Variants in LRRC49 observed in about 807,000 individuals in gnomAD.
LRRC49 encodes leucine-rich repeat-containing protein 49.
Under a neutral mutation model 83.3 loss-of-function variants are expected in LRRC49, and 50 were observed. That is an observed-to-expected ratio of 0.60 (90% CI 0.48 to 0.76). LRRC49 has a LOEUF of 0.76. LRRC49 is among the 30% of genes least tolerant of loss of function. LRRC49 has a pLI of 0.00. For synonymous variants in LRRC49, 286 were observed against 283.3 expected (o/e 1.01, Z -0.10); for missense variants, 704 against 809.1 (o/e 0.87, Z 1.58).
At chr15:70,990,070 C>CA (rs1191677679) in intron 11 of LRRC49, among the ~76,000 whole-genome samples, 1 of 152,136 alleles carries the variant, frequency 6.6e-6, no homozygotes, top group Non-Finnish European at 1.5e-5. Context: ...TTAGGCTGCT[C>CA]GGGGGTCAGG....
At chr15:70,874,335 C>A (rs1348136114) in intron 2 of LRRC49, among the ~76,000 whole-genome samples, 1 of 152,104 alleles carries the variant, frequency 6.6e-6, no homozygotes, top group Non-Finnish European at 1.5e-5. Context: ...GTACAAAGGG[C>A]AGGTGGGTGG....
intron 8 of LRRC49, among the ~76,000 whole-genome samples, chr15:70,953,036 T>C (rs1307866448): frequency 6.6e-6 from 1 of 152,206 alleles, no homozygotes; most frequent in Non-Finnish European, 1.5e-5. Flanking sequence ...ACTTGTGAGA[T>C]GTGTCTCTTG....
chr15:70,854,471 A>G (rs1456838698), intron 1 of LRRC49, among the ~76,000 whole-genome samples: 1 of 152,160 alleles, frequency 6.6e-6, no homozygotes, highest in Non-Finnish European at 1.5e-5. Context: ...ACGGCGCCGC[A>G]GGGATGGGCG....
chr15:70,972,749 G>A (rs1224335268), intron 9 of LRRC49, among the ~76,000 whole-genome samples: 2 of 151,852 alleles, frequency 1.3e-5, no homozygotes, highest in African/African-American at 4.8e-5. Flanking sequence ...TTCAGTCTCT[G>A]ATATCCTTTC....
intron 8 of LRRC49, among the ~76,000 whole-genome samples, chr15:70,941,944 ATAAATATAT>A (rs1301397258): frequency 2.0e-5 from 3 of 152,122 alleles, no homozygotes; most frequent in Non-Finnish European, 4.4e-5. Flanking sequence ...CAACCAACTT[ATAAATATAT>A]ATATGATTGC....
intron 11 of LRRC49, among the ~76,000 whole-genome samples, chr15:70,988,192 G>C (rs1391880196): frequency 6.6e-6 from 1 of 150,962 alleles, no homozygotes; most frequent in African/African-American, 2.4e-5. Context: ...GGGTATCCTT[G>C]TTAACTTTCT....
rs535874723 is a variant in LRRC49 at position 70,859,897 on chromosome 15, G to T, written c.-299+6428G>T. The T allele has an allele frequency of 1.3e-5, 10 of 768,686 alleles. 1 individual carries two copies. The highest frequency in any genetic ancestry group is 1.2e-4 in the South Asian group (9 of 74,518). The allele number at this position is 768,686 out of a possible 1,614,324, so 47.6% of individuals were successfully genotyped here. A position where few individuals can be genotyped will look rare whatever the true frequency, so the allele number is the denominator to read the frequency against. The stretch of plus-strand genomic sequence containing the variant: ...AAACTGCCACCTACAGGAAGCTGCT[G>T]GAGGGTGAGGAGAGCCGGCTGGAGT... On this transcript the variant is annotated intron_variant, in intron 1 of 16. Transcript: ENST00000544974.
chr15:70,939,452 T>G (rs1383903913), intron 8 of LRRC49, among the ~76,000 whole-genome samples: 1 of 152,180 alleles, frequency 6.6e-6, no homozygotes, highest in Non-Finnish European at 1.5e-5. Flanking sequence ...CCTGTGAGGT[T>G]TAAAGCCATA....
chr15:70,911,479 T>G, intron 5 of LRRC49, 53 bp from the exon 6 acceptor site: 3 of 1,004,212 alleles, frequency 3.0e-6, no homozygotes, highest in Non-Finnish European at 4.6e-6. Context: ...TACTTTGATT[T>G]ACAGATAGAT....
At chr15:71,013,331 A>G (rs149291818) in intron 14 of LRRC49, among the ~76,000 whole-genome samples, 1 of 152,316 alleles carries the variant, frequency 6.6e-6, no homozygotes, top group African/African-American at 2.4e-5. Context: ...TATAATTGGA[A>G]CATGGGATGA....
intron 1 of LRRC49, among the ~76,000 whole-genome samples, chr15:70,858,188 C>A (rs772326898): frequency 6.6e-6 from 1 of 152,204 alleles, no homozygotes; most frequent in African/African-American, 2.4e-5. Flanking sequence ...TGAATCTGGT[C>A]TGCAGAAGTG....
intron 14 of LRRC49, among the ~76,000 whole-genome samples, chr15:71,031,368 G>A (rs2039346366): frequency 1.3e-5 from 2 of 152,200 alleles, no homozygotes; most frequent in South Asian, 4.1e-4. Context: ...TCCTCTGGAA[G>A]CTTCGTCCCA....
At chr15:70,935,080 G>A (rs12324112) in intron 7 of LRRC49, among the ~76,000 whole-genome samples, 8 of 152,204 alleles carry the variant, frequency 5.3e-5, no homozygotes, top group African/African-American at 1.9e-4. Context: ...GATTTTAAAA[G>A]TTTGCCAACA....
chr15:70,958,185 G>A (rs1468153099), intron 8 of LRRC49, among the ~76,000 whole-genome samples: 12 of 152,056 alleles, frequency 7.9e-5, no homozygotes, highest in Non-Finnish European at 1.8e-4. Flanking sequence ...GACATGTTAA[G>A]CCCTGTTTTT....
intron 14 of LRRC49, 28 bp from the exon 15 acceptor site, chr15:71,037,151 T>C (rs2039545621): frequency 1.2e-5 from 19 of 1,547,890 alleles, no homozygotes; most frequent in Non-Finnish European, 1.6e-5. Flanking sequence ...TAAGTAACTC[T>C]CTAAATCTCT....
chr15:70,860,020 C>G, intron 1 of LRRC49: 1 of 747,786 alleles, frequency 1.3e-6, no homozygotes, highest in Non-Finnish European at 2.4e-6. Context: ...CCGGCCTCAG[C>G]TACAGCCTGG....
chr15:70,999,465 T>C (rs2038186588), intron 11 of LRRC49, among the ~76,000 whole-genome samples: 1 of 152,186 alleles, frequency 6.6e-6, no homozygotes, highest in South Asian at 2.1e-4. Context: ...TTTTCTTAAA[T>C]GCCTGGAGAA....
chr15:70,999,828 C>T (rs1178072629), intron 11 of LRRC49, among the ~76,000 whole-genome samples: 1 of 152,168 alleles, frequency 6.6e-6, no homozygotes, highest in African/African-American at 2.4e-5. Flanking sequence ...AATGTGGTGG[C>T]AGCTAATACA....
intron 11 of LRRC49, among the ~76,000 whole-genome samples, chr15:70,988,433 G>GT (rs1230494706): frequency 6.6e-6 from 1 of 151,112 alleles, no homozygotes; most frequent in Non-Finnish European, 1.5e-5. Context: ...TTTAAAGTCT[G>GT]TTTTATCAGA....
Sources: allele counts gnomAD v4.1 joint callset (sites outside exome capture counted in the v4.1 genomes callset), GRCh38; gene constraint gnomAD v4.1.1; transcripts MANE v1.5; gene names NCBI Gene and HGNC (gene_info 2026-07-23, HGNC 2026-07-21).